The following NRG1 variants were observed in gnomAD, a reference collection of about 807,000 sequenced individuals.
The protein encoded by NRG1 is neuregulin 1.
NRG1 carries 18 observed loss-of-function variants against 63.8 expected under a neutral mutation model. The ratio of observed to expected loss-of-function variants is 0.28; its 90% CI spans 0.19 to 0.42. The LOEUF (loss-of-function observed/expected upper bound fraction) is 0.42. NRG1 is among the 10% of genes least tolerant of loss of function. NRG1 has a pLI of 1.00. For synonymous variants in NRG1, 302 were observed against 301.3 expected, an observed-to-expected ratio of 1.00 and a Z score of -0.02; for missense variants, 762 against 814.7, an observed-to-expected ratio of 0.94 and a Z score of 0.79.
At chr8:32,758,311 T>A (rs1355364029) in intron 9 of NRG1, among the ~76,000 whole-genome samples, 3 of 152,032 alleles carry the variant, frequency 2.0e-5, no homozygotes, top group Admixed American at 2.0e-4. Context: ...GCATGGTGGC[T>A]CACACCTGTA....
chr8:32,161,739 C>T (rs1838855364), intron 1 of NRG1, among the ~76,000 whole-genome samples: 1 of 152,200 alleles, frequency 6.6e-6, no homozygotes, highest in African/African-American at 2.4e-5. Context: ...AATCCATTCT[C>T]TTCCTATACT....
chr8:32,456,803 A>T (rs1429611280), intron 1 of NRG1, among the ~76,000 whole-genome samples: 1 of 152,146 alleles, frequency 6.6e-6, no homozygotes, highest in Non-Finnish European at 1.5e-5. Context: ...TTCAAGGGTC[A>T]ACTGTATATC....
chr8:32,613,245 T>A (rs1159029240), intron 3 of NRG1, among the ~76,000 whole-genome samples: 1 of 151,992 alleles, frequency 6.6e-6, no homozygotes. Flanking sequence ...TTAGAGAGGA[T>A]CATCCACACT....
intron 1 of NRG1, among the ~76,000 whole-genome samples, chr8:32,320,617 T>C (rs1179409176): frequency 1.3e-5 from 2 of 152,106 alleles, no homozygotes; most frequent in Non-Finnish European, 2.9e-5. Flanking sequence ...TCACTCACTA[T>C]CACAAGAAAA....
chr8:32,077,265 A>G (rs1826718790), intron 1 of NRG1, among the ~76,000 whole-genome samples: 1 of 152,126 alleles, frequency 6.6e-6, no homozygotes, highest in African/African-American at 2.4e-5. Flanking sequence ...TACTTGGGAT[A>G]CTGAGGCAGG....
intron 1 of NRG1, among the ~76,000 whole-genome samples, chr8:31,977,627 A>T (rs1323478811): frequency 1.3e-5 from 2 of 152,128 alleles, no homozygotes; most frequent in African/African-American, 4.8e-5. Flanking sequence ...TTATAGGTGA[A>T]ATTTAAAAAT....
chr8:32,590,303 C>G (rs781730072), intron 1 of NRG1, among the ~76,000 whole-genome samples: 4 of 152,154 alleles, frequency 2.6e-5, no homozygotes, highest in Non-Finnish European at 5.9e-5. Flanking sequence ...GCACAGACTG[C>G]TTAAAACTTG....
At chr8:32,690,167 C>A (rs918164279) in intron 5 of NRG1, among the ~76,000 whole-genome samples, 4 of 152,166 alleles carry the variant, frequency 2.6e-5, no homozygotes, top group African/African-American at 9.7e-5. Flanking sequence ...TTTTGAAATT[C>A]AAGTTTTTAA....
At chr8:32,061,505 G>A (rs77235735) in intron 1 of NRG1, among the ~76,000 whole-genome samples, 3,173 of 151,740 alleles carry the variant, frequency 0.021, 40 homozygotes, top group South Asian at 0.039. Context: ...AGATATTCCC[G>A]CCTTCCACTT....
At chr8:31,917,147 T>C (rs1209069129) in intron 1 of NRG1, among the ~76,000 whole-genome samples, 1 of 96,190 alleles carries the variant, frequency 1.0e-5, no homozygotes, top group Non-Finnish European at 2.1e-5. Flanking sequence ...TTCTCCCATT[T>C]TGTAGGTTGC....
At chr8:32,733,190 T>C (rs2129023919) in intron 6 of NRG1, among the ~76,000 whole-genome samples, 2 of 152,310 alleles carry the variant, frequency 1.3e-5, no homozygotes, top group East Asian at 3.9e-4. Context: ...CTTTATAACT[T>C]TTCTTTGACA....
chr8:32,640,245 T>TCTCACACACACACA (rs141612874), intron 5 of NRG1, among the ~76,000 whole-genome samples: 2 of 147,530 alleles, frequency 1.4e-5, no homozygotes, highest in African/African-American at 5.0e-5. Context: ...CTTCTTTTTG[T>TCTCACACACACACA]CACACACACA....
intron 5 of NRG1, among the ~76,000 whole-genome samples, chr8:32,716,482 G>A (rs1819252011): frequency 6.6e-6 from 1 of 152,122 alleles, no homozygotes; most frequent in Non-Finnish European, 1.5e-5. Context: ...AAAGAAGCAG[G>A]GGAAGACCTC....
chr8:32,261,915 A>G (rs1850422360), intron 1 of NRG1, among the ~76,000 whole-genome samples: 1 of 152,134 alleles, frequency 6.6e-6, no homozygotes, highest in South Asian at 2.1e-4. Flanking sequence ...TCATGCCCCC[A>G]GGCTTACAGT....
At chr8:32,375,154 T>A (rs1809457420) in intron 1 of NRG1, among the ~76,000 whole-genome samples, 1 of 151,792 alleles carries the variant, frequency 6.6e-6, no homozygotes, top group Non-Finnish European at 1.5e-5. Context: ...GGATATAGTT[T>A]TTTTTTTAGA....
At chr8:32,094,285 G>A (rs1829594537) in intron 1 of NRG1, among the ~76,000 whole-genome samples, 5 of 152,118 alleles carry the variant, frequency 3.3e-5, no homozygotes, top group Admixed American at 3.3e-4. Flanking sequence ...CAACAGCAAG[G>A]TCAAAGAAGA....
At chr8:32,221,850 T>A (rs1342040977) in intron 1 of NRG1, among the ~76,000 whole-genome samples, 1 of 152,214 alleles carries the variant, frequency 6.6e-6, no homozygotes, top group Non-Finnish European at 1.5e-5. Context: ...TCTTTATATT[T>A]TTTTTGCTCT....
At chr8:31,793,346 A>G (rs1187139797) in intron 1 of NRG1, among the ~76,000 whole-genome samples, 1 of 152,212 alleles carries the variant, frequency 6.6e-6, no homozygotes, top group Non-Finnish European at 1.5e-5. Flanking sequence ...CAATGCTGAA[A>G]GAGAAACACC....
intron 1 of NRG1, among the ~76,000 whole-genome samples, chr8:32,514,035 A>G (rs1305578958): frequency 2.6e-5 from 4 of 152,176 alleles, no homozygotes; most frequent in Non-Finnish European, 4.4e-5. Flanking sequence ...ACAGGTTCAT[A>G]ACCTAAGTAT....
Sources: allele counts gnomAD v4.1 joint callset (sites outside exome capture counted in the v4.1 genomes callset), GRCh38; gene constraint gnomAD v4.1.1; transcripts MANE v1.5; gene names NCBI Gene and HGNC (gene_info 2026-07-23, HGNC 2026-07-21).